ATP1A1: variants seen among roughly 807,000 people sequenced by gnomAD.
The protein encoded by ATP1A1 is sodium/potassium-transporting ATPase subunit alpha-1.
ATP1A1 carries 14 observed loss-of-function variants against 114.8 expected under a neutral mutation model. That is an observed-to-expected ratio of 0.12 (90% CI 0.08 to 0.19). The LOEUF is 0.19. ATP1A1 is among the 10% of genes least tolerant of loss of function. The pLI is 1.00. For missense variants in ATP1A1, 524 were observed against 1,290.7 expected (o/e 0.41, Z 9.10); for synonymous variants, 471 against 466.3 (o/e 1.01, Z -0.13).
In ATP1A1 at chr1:116,393,747, A is replaced by T. The variant is rs781505180; in HGVS notation, c.1660+24A>T. 3.1e-6 allele frequency: 5 copies of T among 1,604,084 alleles called. No homozygotes were observed. Reference sequence around the variant, plus strand: ...AGGTATGCAGATAACCTGGTAACAGAGTGCCTGGGCACGTTTTTATCCAGT... The same window carrying T: ...AGGTATGCAGATAACCTGGTAACAGTGTGCCTGGGCACGTTTTTATCCAGT... On this transcript the variant is annotated intron_variant, in intron 12 of 22. Transcript: ENST00000295598. The surrounding 1 kb of genome is among the most constrained non-coding windows in gnomAD (Gnocchi z 5.0).
rs182527521 is a variant in ATP1A1, at chr1:116,400,779, G to C, written c.2573-82G>C. On this transcript the variant is annotated intron_variant, in intron 18 of 22. Transcript: ENST00000295598. ...CACTCCTCCATATGTGCTCTCCCAG[G>C]CCTGCTGCAGTAATCAGCTGAAGGC... 508 of 1,523,790 alleles carry C rather than the reference G, an allele frequency of 3.3e-4. No homozygotes were observed. The African/African-American group carries it at 6.4e-3, about 19-fold the overall frequency. The allele number at this position is 1,523,790 out of a possible 1,614,324, so 94.4% of individuals were successfully genotyped here. A position where few individuals can be genotyped will look rare whatever the true frequency, so the allele number is the denominator to read the frequency against.
In ATP1A1 at chr1:116,385,686, C is replaced by T. The variant is rs1461547544; in HGVS notation, c.183+844C>T. The T allele has an allele frequency of 1.3e-5, 2 of 152,166 alleles. No individual in the cohort carries two copies. Among genetic ancestry groups the T allele is most frequent in the African/African-American group, 4.8e-5 (2 of 41,424 alleles). The allele number at this position is 152,166 out of a possible 1,614,324, so 9.4% of individuals were successfully genotyped here. ...CTCCTGCCCTCCTTTTCACCTGTCGCAAGGCAGGACTCTAATCTTGTTCCA... is the reference window on the plus strand; with the variant it reads ...CTCCTGCCCTCCTTTTCACCTGTCGTAAGGCAGGACTCTAATCTTGTTCCA... On this transcript the variant is annotated intron_variant, in intron 3 of 22. Transcript: ENST00000295598. This position sits in a 1 kb window ranked among gnomAD's most constrained non-coding sequence, Gnocchi z 4.3.
intron 3 of ATP1A1, chr1:116,386,159 G>GAAAAAAAAAAA (rs1553190495): frequency 1.8e-5 from 2 of 111,486 alleles, no homozygotes; most frequent in Non-Finnish European, 1.9e-5. Flanking sequence ...AAAAAAAAAG[G>GAAAAAAAAAAA]AGAGAAGAAC....
At position 116,373,660 on chromosome 1, in the gene ATP1A1, C is replaced by T. The variant is rs1048357554; in HGVS notation, c.12+137C>T. 3.5e-4 allele frequency: 369 copies of T among 1,054,032 alleles called. 1 individual carries two copies. Among genetic ancestry groups the T allele is most frequent in the Non-Finnish European group, 4.4e-4 (356 of 806,820 alleles). The allele number at this position is 1,054,032 out of a possible 1,614,324, so 65.3% of individuals were successfully genotyped here. A position where few individuals can be genotyped will look rare whatever the true frequency, so the allele number is the denominator to read the frequency against. On this transcript the variant is annotated intron_variant, in intron 1 of 22. Coordinates refer to ENST00000295598, the MANE Select transcript of ATP1A1 (RefSeq NM_000701.8). ...CGCGTGGAGTGGGCTGGCAGAGCCG[C>T]GCGGCTTAAAAGACGACGCAGTTTG...
chr1:116,376,094 C>G (rs961749625), intron 1 of ATP1A1, among the ~76,000 whole-genome samples: 3 of 152,124 alleles, frequency 2.0e-5, no homozygotes, highest in Non-Finnish European at 4.4e-5. Flanking sequence ...CAAAGGTACA[C>G]GCCATAACTG....
rs966570726 is a variant in ATP1A1, at chr1:116,373,951, C to A, written c.12+428C>A. ...GACCGCCGTCACCTCCTTCTCCTTC[C>A]TTTTCCCTCCGCCCTCCGTGCCCTG... On this transcript the variant is annotated intron_variant, in intron 1 of 22. Transcript: ENST00000295598. 3.0e-6 allele frequency: 4 copies of A among 1,349,834 alleles called. No homozygotes were observed. The African/African-American group carries it at 6.1e-5, about 21-fold the overall frequency. The allele number at this position is 1,349,834 out of a possible 1,614,324, so 83.6% of individuals were successfully genotyped here.
In ATP1A1 at chr1:116,390,261, G is replaced by C; in HGVS notation, c.1072G>C (p.Val358Leu). 1.9e-6 allele frequency: 3 copies of C among 1,614,166 alleles called. No homozygotes were observed. Among genetic ancestry groups the C allele is most frequent in the Non-Finnish European group, 2.5e-6 (3 of 1,180,028 alleles). The stretch of plus-strand genomic sequence containing the variant: ...ACGCATGGCAAGGAAAAACTGCTTA[G>C]TGAAGAACTTAGAAGCTGTGGAGAC... ...AKRMARKNCL[V>L]KNLEAVETLG... The change falls in exon 9 of 23, where the codon GTG becomes CTG. Residue 358 changes from valine to leucine, a missense_variant. Val to Leu is a conservative substitution (Grantham distance 32, BLOSUM62 1). This residue lies in a region of ATP1A1 where 28 missense variants were observed against 131.8 expected (regional missense o/e 0.21). Transcript: ENST00000295598.
intron 21 of ATP1A1, 98 bp from the exon 22 acceptor site, chr1:116,403,786 G>C: frequency 9.4e-7 from 1 of 1,066,776 alleles, no homozygotes; most frequent in Non-Finnish European, 1.4e-6. Flanking sequence ...TCTCCTTTCA[G>C]GCTGATTATT....
chr1:116,374,174 T>C, intron 1 of ATP1A1: 1 of 1,549,988 alleles, frequency 6.5e-7, no homozygotes, highest in Non-Finnish European at 8.7e-7. Flanking sequence ...TGCTTCTAAG[T>C]GCGAAGCCGG....
intron 1 of ATP1A1, 66 bp from the exon 2 acceptor site, chr1:116,383,947 TC>T: frequency 7.5e-7 from 1 of 1,340,774 alleles, no homozygotes; most frequent in South Asian, 1.2e-5. Context: ...AATCCCCTGC[TC>T]CAGAATTTTC....
At chr1:116,373,780 G>A in intron 1 of ATP1A1, 1 of 1,205,412 alleles carries the variant, frequency 8.3e-7, no homozygotes, top group Non-Finnish European at 1.0e-6. Flanking sequence ...ACCCTGGGCG[G>A]GGGCTGCGCG....
intron 10 of ATP1A1, among the ~76,000 whole-genome samples, chr1:116,391,961 A>G (rs1375916525): frequency 6.6e-6 from 1 of 152,194 alleles, no homozygotes; most frequent in Non-Finnish European, 1.5e-5. Context: ...CTTTTATTAA[A>G]AATGGCTTTT....
rs937842189 is a variant in ATP1A1, at chr1:116,388,128, C to T, written c.388-3C>T. On this transcript the variant is annotated splice_polypyrimidine_tract_variant and splice_region_variant and intron_variant, in intron 4 of 22. Coordinates refer to ENST00000295598, the MANE Select transcript of ATP1A1 (RefSeq NM_000701.8). This position sits in a 1 kb window ranked among gnomAD's most constrained non-coding sequence, Gnocchi z 5.6. The stretch of plus-strand genomic sequence containing the variant: ...GGGCCCTAACTTGTCTTTTCCCTTC[C>T]AGCTGTACCTGGGTGTGGTGCTATC... 6.2e-7 allele frequency: 1 copy of T among 1,606,520 alleles called. No homozygotes were observed. Among genetic ancestry groups the T allele is most frequent in the Non-Finnish European group, 8.5e-7 (1 of 1,174,436 alleles).
chr1:116,388,261 C>A lies in ATP1A1; in HGVS notation c.501+17C>A, dbSNP rs1446995881. The A allele has an allele frequency of 3.2e-6, 5 of 1,577,540 alleles. No homozygotes were observed. The highest frequency in any genetic ancestry group is 1.7e-5 in the Admixed American group (1 of 59,888). ...GTCCCTCAGGTACCAGACGCTTTGT[C>A]CTTCCCCAGTGGATGACTTGACAGC... On this transcript the variant is annotated intron_variant, in intron 5 of 22. Coordinates refer to ENST00000295598, the MANE Select transcript of ATP1A1 (RefSeq NM_000701.8). This position sits in a 1 kb window ranked among gnomAD's most constrained non-coding sequence, Gnocchi z 5.6.
chr1:116,403,791 A>T, intron 21 of ATP1A1, 93 bp from the exon 22 acceptor site: 1 of 1,111,664 alleles, frequency 9.0e-7, no homozygotes, highest in Non-Finnish European at 1.3e-6. Context: ...TTTCAGGCTG[A>T]TTATTTCATT....
Position 116,397,768 on chromosome 1 carries a change from A to G in ATP1A1, c.1974-120A>G. 7.8e-7 allele frequency: 1 copy of G among 1,279,426 alleles called. No individual in the cohort carries two copies. The highest frequency in any genetic ancestry group is 2.3e-5 in the East Asian group (1 of 42,770). The allele number at this position is 1,279,426 out of a possible 1,614,324, so 79.3% of individuals were successfully genotyped here. ...ACTTAATAGCTTTTATGTGCTGGGG[A>G]AAATTCCTTCTTTGTTTTGTTTACA... On this transcript the variant is annotated intron_variant, in intron 14 of 22. Coordinates refer to ENST00000295598, the MANE Select transcript of ATP1A1 (RefSeq NM_000701.8). This position sits in a 1 kb window ranked among gnomAD's most constrained non-coding sequence, Gnocchi z 4.2.
intron 10 of ATP1A1, among the ~76,000 whole-genome samples, chr1:116,391,585 G>C (rs909606125): frequency 6.6e-6 from 1 of 152,226 alleles, no homozygotes; most frequent in African/African-American, 2.4e-5. Context: ...GCTGCCTGTA[G>C]TAGTTGTGGG....
chr1:116,380,269 C>A (rs1319772724), intron 1 of ATP1A1, among the ~76,000 whole-genome samples: 6 of 152,204 alleles, frequency 3.9e-5, no homozygotes, highest in Non-Finnish European at 5.9e-5. Context: ...GCAGACCTGT[C>A]TGGAGGGAAT....
In ATP1A1 at chr1:116,398,572, C is replaced by T. The variant is rs531845912; in HGVS notation, c.2125-49C>T. ...GGGGCATGCATCGCACTATTTCCAT[C>T]GCTAGGAAAAGTGATTGGTATTAAC... On this transcript the variant is annotated intron_variant, in intron 15 of 22. Coordinates refer to ENST00000295598, the MANE Select transcript of ATP1A1 (RefSeq NM_000701.8). The surrounding 1 kb of genome is among the most constrained non-coding windows in gnomAD (Gnocchi z 6.1). The T allele has an allele frequency of 3.3e-4, 518 of 1,584,462 alleles. 2 individuals carry two copies. In the South Asian group the frequency reaches 4.8e-3, roughly 15 times the overall value.
Sources: allele counts gnomAD v4.1 joint callset (sites outside exome capture counted in the v4.1 genomes callset), GRCh38; gene constraint gnomAD v4.1.1; regional missense constraint gnomAD v4.1.1; non-coding constraint Gnocchi (gnomAD v3.1); transcripts MANE v1.5; gene names NCBI Gene and HGNC (gene_info 2026-07-23, HGNC 2026-07-21).